PPARGC1A: variants seen among roughly 807,000 people sequenced by gnomAD.
PPARGC1A encodes the protein peroxisome proliferator-activated receptor gamma coactivator 1-alpha.
A neutral mutation model predicts 88.7 loss-of-function variants in PPARGC1A; 25 were observed. The ratio of observed to expected loss-of-function variants is 0.28; its 90% CI spans 0.21 to 0.39. The LOEUF is 0.39. Among genes scored for constraint, PPARGC1A ranks in the 10% least tolerant of loss-of-function variants. The pLI, the probability that PPARGC1A is intolerant of heterozygous loss-of-function variation, is 1.00. For synonymous variants in PPARGC1A, 363 were observed against 355.6 expected (o/e 1.02, Z -0.24); for missense variants, 880 against 968.7 (o/e 0.91, Z 1.22).
At chr4:23,973,437 G>C in the PPARGC1A span, among the ~76,000 whole-genome samples, 1 of 152,262 alleles carries the variant, frequency 6.6e-6, no homozygotes, top group East Asian at 1.9e-4. Flanking sequence ...GCATAATCTT[G>C]CCTTGCAAAG....
the PPARGC1A span, among the ~76,000 whole-genome samples, chr4:24,273,625 CAAAAA>C: frequency 6.6e-6 from 1 of 151,342 alleles, no homozygotes; most frequent in Non-Finnish European, 1.5e-5. Flanking sequence ...TGGTTAGAGA[CAAAAA>C]CAACCAGGCC....
intron 2 of PPARGC1A, among the ~76,000 whole-genome samples, chr4:23,844,493 T>TAA (rs1294282980): frequency 6.3e-4 from 36 of 57,090 alleles, no homozygotes; most frequent in Admixed American, 2.1e-3. Flanking sequence ...ATAATAATCA[T>TAA]AATATATAAT....
the PPARGC1A span, among the ~76,000 whole-genome samples, chr4:24,110,408 A>C: frequency 6.6e-5 from 10 of 152,118 alleles, no homozygotes; most frequent in Non-Finnish European, 1.5e-4. Flanking sequence ...CTAAACAAAC[A>C]CCTGTCTAAA....
the PPARGC1A span, among the ~76,000 whole-genome samples, chr4:24,321,208 T>C: frequency 5.6e-4 from 85 of 152,320 alleles, no homozygotes; most frequent in South Asian, 3.3e-3. Context: ...AAGGATCAAG[T>C]GATTAAAATG....
chr4:24,272,025 G>A, the PPARGC1A span, among the ~76,000 whole-genome samples: 1 of 152,134 alleles, frequency 6.6e-6, no homozygotes, highest in East Asian at 1.9e-4. Flanking sequence ...TGTGCTGACT[G>A]TTAGCTTCTG....
At chr4:23,796,611 C>T (rs1424681443) in intron 12 of PPARGC1A, among the ~76,000 whole-genome samples, 1 of 152,134 alleles carries the variant, frequency 6.6e-6, no homozygotes, top group African/African-American at 2.4e-5. Context: ...TTCACTGCTA[C>T]TTCAAATAGA....
chr4:24,300,679 A>G, the PPARGC1A span, among the ~76,000 whole-genome samples: 3 of 152,090 alleles, frequency 2.0e-5, no homozygotes, highest in African/African-American at 7.2e-5. Context: ...CCTTAATAGT[A>G]AAGCCCCAAT....
the PPARGC1A span, among the ~76,000 whole-genome samples, chr4:24,151,242 A>G: frequency 6.6e-6 from 1 of 152,236 alleles, no homozygotes; most frequent in African/African-American, 2.4e-5. Context: ...CCTAAACAAC[A>G]GAAATTTATT....
the PPARGC1A span, among the ~76,000 whole-genome samples, chr4:24,087,844 A>T: frequency 6.6e-6 from 1 of 152,194 alleles, no homozygotes; most frequent in Non-Finnish European, 1.5e-5. Flanking sequence ...CATCTAGTTC[A>T]TTTCCAACTC....
At chr4:24,292,445 T>C in the PPARGC1A span, among the ~76,000 whole-genome samples, 2 of 151,562 alleles carry the variant, frequency 1.3e-5, no homozygotes, top group South Asian at 4.2e-4. Flanking sequence ...TCAGGAAGGT[T>C]TCCCTCATGC....
the PPARGC1A span, among the ~76,000 whole-genome samples, chr4:24,196,100 G>A: frequency 6.6e-6 from 1 of 152,196 alleles, no homozygotes; most frequent in Non-Finnish European, 1.5e-5. Flanking sequence ...CTTGCCATGA[G>A]TTGTGATTAA....
the PPARGC1A span, among the ~76,000 whole-genome samples, chr4:24,155,112 C>G: frequency 6.9e-6 from 1 of 145,050 alleles, no homozygotes; most frequent in South Asian, 2.1e-4. Flanking sequence ...TCTCTTCGAA[C>G]CTCGGTTTTG....
chr4:24,372,041 A>G, the PPARGC1A span, among the ~76,000 whole-genome samples: 8 of 152,096 alleles, frequency 5.3e-5, no homozygotes, highest in Non-Finnish European at 1.2e-4. Flanking sequence ...GGACACTGAT[A>G]AAGTTTCATC....
At chr4:23,921,173 T>G in the PPARGC1A span, among the ~76,000 whole-genome samples, 1 of 152,230 alleles carries the variant, frequency 6.6e-6, no homozygotes, top group Non-Finnish European at 1.5e-5. Context: ...GGGGCTGACT[T>G]TGATTCTTCA....
At chr4:24,212,913 G>C in the PPARGC1A span, among the ~76,000 whole-genome samples, 6 of 152,102 alleles carry the variant, frequency 3.9e-5, no homozygotes, top group Non-Finnish European at 5.9e-5. Flanking sequence ...TCATTTCCAG[G>C]CCTACTGCAA....
At chr4:24,467,891 G>A in the PPARGC1A span, among the ~76,000 whole-genome samples, 3 of 152,236 alleles carry the variant, frequency 2.0e-5, no homozygotes, top group African/African-American at 7.2e-5. Context: ...GTGGGGGCAG[G>A]GAGCAGATAA....
Position 23,814,120 on chromosome 4 carries a change from C to G in PPARGC1A, c.1363G>C (p.Asp455His). 6.2e-7 allele frequency: 1 copy of G among 1,614,044 alleles called. No homozygotes were observed. Among genetic ancestry groups the G allele is most frequent in the Non-Finnish European group, 8.5e-7 (1 of 1,179,986 alleles). Residue 455 changes from aspartate to histidine, a missense_variant, in exon 8 of 13, where the codon GAC becomes CAC. Transcript: ENST00000264867. ...TTCAGCTCGGCTCGGATTTCCTGGT[C>G]TTGGAGCTGTTTTCTTGTGCTGCAA... is the stretch of plus-strand genomic sequence containing the variant. The part of the protein sequence containing the change: ...SPCSTRKQLQ[D>H]QEIRAELNKH...
At chr4:24,359,307 G>A in the PPARGC1A span, among the ~76,000 whole-genome samples, 1 of 152,158 alleles carries the variant, frequency 6.6e-6, no homozygotes, top group African/African-American at 2.4e-5. Context: ...CTTCTCTTCA[G>A]AACATACACA....
At chr4:23,990,235 TAAC>T in the PPARGC1A span, among the ~76,000 whole-genome samples, 1 of 150,250 alleles carries the variant, frequency 6.7e-6, no homozygotes, top group Admixed American at 6.7e-5. Flanking sequence ...TGGATAATAA[TAAC>T]AATAATAAAT....
Sources: allele counts gnomAD v4.1 joint callset (sites outside exome capture counted in the v4.1 genomes callset), GRCh38; gene constraint gnomAD v4.1.1; transcripts MANE v1.5; gene names NCBI Gene and HGNC (gene_info 2026-07-23, HGNC 2026-07-21).